The following FRMPD1 variants were observed in gnomAD, a reference collection of about 807,000 sequenced individuals.
The protein encoded by FRMPD1 is FERM and PDZ domain containing 1.
FRMPD1 carries 76 observed loss-of-function variants against 117.8 expected under a neutral mutation model. The ratio of observed to expected loss-of-function variants is 0.65; its 90% CI spans 0.54 to 0.78. The LOEUF (loss-of-function observed/expected upper bound fraction) is 0.78. FRMPD1 is among the 30% of genes least tolerant of loss of function. FRMPD1 has a pLI of 0.00. For missense variants in FRMPD1, 1,786 were observed against 1,964.5 expected, an observed-to-expected ratio of 0.91 and a Z score of 1.72; for synonymous variants, 783 against 770.4, an observed-to-expected ratio of 1.02 and a Z score of -0.27.
chr9:37,703,919 G>A lies in FRMPD1; in HGVS notation c.102-3497G>A, dbSNP rs184910939. ...CCATGTCATTAGTTGATGGACATTC[G>A]AGTTGTTTCCACTTTTGGACATTTA... On this transcript the variant is annotated intron_variant, in intron 2 of 15. Transcript: ENST00000377765. 1.8e-3 allele frequency among the ~76,000 whole-genome samples: 278 copies of A among 152,292 alleles called. 2 individuals are homozygous for A. Among genetic ancestry groups the A allele is most frequent in the Non-Finnish European group, 2.6e-3 (180 of 68,016 alleles).
chr9:37,691,859 A>G (rs1822149966), intron 1 of FRMPD1, among the ~76,000 whole-genome samples: 1 of 152,202 alleles, frequency 6.6e-6, no homozygotes, highest in African/African-American at 2.4e-5. Flanking sequence ...GTGAGCCAAG[A>G]TCGTGCCACT....
chr9:37,718,978 CAA>C, intron 5 of FRMPD1, 89 bp from the exon 6 acceptor site: 1 of 760,826 alleles, frequency 1.3e-6, no homozygotes, highest in East Asian at 2.6e-5. Context: ...CAACAGCTAT[CAA>C]AGTTTCTGTT....
chr9:37,725,818 T>C (rs1426030615), intron 7 of FRMPD1, among the ~76,000 whole-genome samples: 2 of 152,236 alleles, frequency 1.3e-5, no homozygotes, highest in Admixed American at 1.3e-4. Flanking sequence ...ATCAGCTAGC[T>C]CATAACTGGC....
chr9:37,667,818 G>A lies in FRMPD1; in HGVS notation c.-5+16724G>A, dbSNP rs188295750. Among the ~76,000 whole-genome samples the A allele has an allele frequency of 3.8e-3, 584 of 152,214 alleles. 9 individuals are homozygous for A. The highest frequency in any genetic ancestry group is 0.013 in the African/African-American group (550 of 41,524). ...CCAGAGTATTCTTTGTCCATGAGCC[G>A]GCATGAGGGCTGAGATCATCTCCTG... On this transcript the variant is annotated intron_variant, in intron 1 of 15. Transcript: ENST00000377765.
chr9:37,626,868 A>G, the FRMPD1 span, among the ~76,000 whole-genome samples: 1,160 of 152,168 alleles, frequency 7.6e-3, 22 homozygotes, highest in African/African-American at 0.027. Context: ...TGGGGCCATG[A>G]AATATCTTTT....
In FRMPD1 at chr9:37,737,213, C is replaced by A; in HGVS notation, c.1519C>A (p.Gln507Lys). 1 of 1,612,784 alleles carries A rather than the reference C, an allele frequency of 6.2e-7. No homozygotes were observed. The highest frequency in any genetic ancestry group is 8.5e-7 in the Non-Finnish European group (1 of 1,179,326). The part of the protein sequence containing the change: ...TSIFLWPGNK[Q>K]QAHRVSAEEG... ...CATTTTCCTCTGGCCTGGAAACAAA[C>A]AACAAGCGCACCGGGTATCTGCAGA... is the stretch of plus-strand genomic sequence containing the variant. The change falls in exon 14 of 16, where the codon CAA becomes AAA. Residue 507 changes from glutamine to lysine, a missense_variant. Gln to Lys is a moderately conservative substitution (Grantham distance 53). Transcript: ENST00000377765.
chr9:37,634,303 AG>A, the FRMPD1 span, among the ~76,000 whole-genome samples: 1 of 152,202 alleles, frequency 6.6e-6, no homozygotes, highest in Non-Finnish European at 1.5e-5. Flanking sequence ...TGCTATGCCA[AG>A]AAGTACATAT....
the FRMPD1 span, among the ~76,000 whole-genome samples, chr9:37,628,397 A>G: frequency 6.6e-5 from 10 of 152,310 alleles, no homozygotes; most frequent in East Asian, 1.9e-3. Flanking sequence ...CTTTGGGGAA[A>G]TCTTACTGCA....
chr9:37,619,902 C>T, the FRMPD1 span, among the ~76,000 whole-genome samples: 1 of 149,078 alleles, frequency 6.7e-6, no homozygotes. Flanking sequence ...CCAATTGACA[C>T]TGAGTAGACA....
chr9:37,715,958 C>T (rs1285020320), intron 5 of FRMPD1, among the ~76,000 whole-genome samples: 1 of 152,170 alleles, frequency 6.6e-6, no homozygotes, highest in African/African-American at 2.4e-5. Flanking sequence ...CTAGGCTAAA[C>T]AACTGTGCCG....
At chr9:37,704,033 T>C (rs1822617899) in intron 2 of FRMPD1, among the ~76,000 whole-genome samples, 1 of 152,260 alleles carries the variant, frequency 6.6e-6, no homozygotes, top group Admixed American at 6.5e-5. Context: ...GGAGTGCAAT[T>C]GCTGGATCAT....
intron 1 of FRMPD1, among the ~76,000 whole-genome samples, chr9:37,677,054 G>A (rs1287041321): frequency 1.3e-5 from 2 of 152,194 alleles, no homozygotes; most frequent in Non-Finnish European, 2.9e-5. Context: ...TGAGATGGCT[G>A]CAGACCTGTA....
chr9:37,685,449 C>A (rs764085222), intron 1 of FRMPD1, among the ~76,000 whole-genome samples: 1 of 151,918 alleles, frequency 6.6e-6, no homozygotes, highest in Admixed American at 6.6e-5. Context: ...CGAGACTATC[C>A]TGGCTAACAC....
chr9:37,663,389 G>T (rs1821057726), intron 1 of FRMPD1, among the ~76,000 whole-genome samples: 2 of 152,118 alleles, frequency 1.3e-5, no homozygotes, highest in South Asian at 4.2e-4. Context: ...GGGGGAGGGG[G>T]CTGATCAGCA....
rs1285357127 is a variant in FRMPD1, at chr9:37,744,938, C to A, written c.2906C>A (p.Pro969His). The change falls in exon 16 of 16, where the codon CCT becomes CAT. Residue 969 changes from proline to histidine, a missense_variant. Coordinates refer to ENST00000377765, the MANE Select transcript of FRMPD1 (RefSeq NM_014907.3). ...VPAASSSAST[P>H]HCSNPGSSGP... ...GCTGCCAGCTCCTCAGCAAGCACTC[C>A]TCACTGTTCTAACCCAGGTTCATCT... The A allele has an allele frequency of 5.0e-6, 8 of 1,614,092 alleles. No homozygotes were observed. The highest frequency in any genetic ancestry group is 3.3e-5 in the Admixed American group (2 of 60,008).
rs140303110 is a variant in FRMPD1, at chr9:37,726,685, C to T, written c.612+2365C>T. Reference sequence around the variant, plus strand: ...TGCACTCCAGCCTGGGCGATGAGAGCGAAACTCCATCTCAAAAAAATAAAT... The same window carrying T: ...TGCACTCCAGCCTGGGCGATGAGAGTGAAACTCCATCTCAAAAAAATAAAT... On this transcript the variant is annotated intron_variant, in intron 7 of 15. Coordinates refer to ENST00000377765, the MANE Select transcript of FRMPD1 (RefSeq NM_014907.3). Among the ~76,000 whole-genome samples the T allele has an allele frequency of 3.7e-3, 560 of 151,794 alleles. 5 individuals are homozygous for T. Among genetic ancestry groups the T allele is most frequent in the African/African-American group, 0.011 (468 of 41,392 alleles).
rs938609697 is a variant in FRMPD1, at chr9:37,733,321, G to A, written c.996-152G>A. ...ATTTTTGTGGAGAGTGTGTGTATGT[G>A]TGTGTGAGAAAGAAAAAGAGAGGAG... is the stretch of plus-strand genomic sequence containing the variant. On this transcript the variant is annotated intron_variant, in intron 10 of 15. Transcript: ENST00000377765. 11 of 715,470 alleles carry A rather than the reference G, an allele frequency of 1.5e-5. No homozygotes were observed. The African/African-American group carries it at 1.9e-4, about 13-fold the overall frequency. 44.3% of individuals were successfully genotyped at this position (715,470 alleles called of 1,614,324 possible).
chr9:37,649,718 C>G (rs1017776499), upstream of FRMPD1, among the ~76,000 whole-genome samples: 5 of 152,174 alleles, frequency 3.3e-5, no homozygotes, highest in Non-Finnish European at 5.9e-5. Flanking sequence ...ATCTAACATC[C>G]CAGTCTGATG....
the FRMPD1 span, among the ~76,000 whole-genome samples, chr9:37,618,903 T>C: frequency 6.6e-6 from 1 of 152,234 alleles, no homozygotes; most frequent in Non-Finnish European, 1.5e-5. Context: ...TCTGTGTCCA[T>C]GTCATCCTCT....
Sources: gnomAD v4.1 joint callset for allele counts (sites outside exome capture counted in the v4.1 genomes callset) on GRCh38, gnomAD v4.1.1 for gene constraint, MANE v1.5 for transcripts, NCBI Gene and HGNC (gene_info 2026-07-23, HGNC 2026-07-21) for gene names.